The following SLC67A2 variants were observed in gnomAD, a reference collection of about 807,000 sequenced individuals.
SLC67A2 encodes the protein solute carrier family 67 member 2, also known as solute carrier family 67 member A2.
At chr2:102,725,371 T>C in the SLC67A2 span, among the ~76,000 whole-genome samples, 1 of 152,226 alleles carries the variant, frequency 6.6e-6, no homozygotes, top group Admixed American at 6.5e-5. Context: ...AAGAGAACTC[T>C]CACTACTTAA....
chr2:102,730,607 A>T, the SLC67A2 span, among the ~76,000 whole-genome samples: 4,623 of 149,294 alleles, frequency 0.031, 203 homozygotes, highest in African/African-American at 0.11. Context: ...CAGTGGTGCG[A>T]TCTCGGCTCA....
chr2:102,726,629 C>T, the SLC67A2 span, among the ~76,000 whole-genome samples: 1 of 152,020 alleles, frequency 6.6e-6, no homozygotes, highest in Non-Finnish European at 1.5e-5. Flanking sequence ...CGCACGCACA[C>T]ACACACACAC....
chr2:102,730,667 C>T, the SLC67A2 span, among the ~76,000 whole-genome samples: 25 of 149,274 alleles, frequency 1.7e-4, no homozygotes, highest in Non-Finnish European at 3.0e-4. Flanking sequence ...CTCAGCCTCC[C>T]GAGTAGCTGG....
At chr2:102,728,625 T>C in the SLC67A2 span, among the ~76,000 whole-genome samples, 1 of 152,186 alleles carries the variant, frequency 6.6e-6, no homozygotes, top group East Asian at 1.9e-4. Context: ...CATACTCTTT[T>C]GATCTGGGGA....
At chr2:102,727,707 A>G in the SLC67A2 span, among the ~76,000 whole-genome samples, 1 of 152,298 alleles carries the variant, frequency 6.6e-6, no homozygotes, top group Admixed American at 6.5e-5. Context: ...AATTCTATGC[A>G]GGCATTTTTT....
chr2:102,736,791 C>A, the SLC67A2 span: 1 of 1,612,610 alleles, frequency 6.2e-7, no homozygotes, highest in Non-Finnish European at 8.5e-7. Flanking sequence ...GTTCATGTCC[C>A]AGTGACCCCC....
At chr2:102,733,014 A>T in the SLC67A2 span, among the ~76,000 whole-genome samples, 2 of 152,222 alleles carry the variant, frequency 1.3e-5, no homozygotes, top group African/African-American at 4.8e-5. Flanking sequence ...CCGTGCTGTC[A>T]TCTGCAAAGG....
chr2:102,718,934 C>T, the SLC67A2 span: 1 of 1,614,152 alleles, frequency 6.2e-7, no homozygotes, highest in Non-Finnish European at 8.5e-7. Flanking sequence ...GACAAAGTTA[C>T]TGTAGTACAG....
the SLC67A2 span, among the ~76,000 whole-genome samples, chr2:102,735,146 A>G: frequency 6.6e-6 from 1 of 152,216 alleles, no homozygotes; most frequent in Non-Finnish European, 1.5e-5. Context: ...AAGCATCCCC[A>G]TGCTGAGAAT....
the SLC67A2 span, chr2:102,718,570 G>C: frequency 6.2e-7 from 1 of 1,613,172 alleles, no homozygotes. Flanking sequence ...GGAGAGGGGC[G>C]ATGATGCGGC....
At chr2:102,732,406 A>T in the SLC67A2 span, 2 of 1,608,534 alleles carry the variant, frequency 1.2e-6, no homozygotes. Flanking sequence ...ACACCAAACA[A>T]ATCCTAAAAC....
the SLC67A2 span, among the ~76,000 whole-genome samples, chr2:102,721,241 C>T: frequency 6.6e-6 from 1 of 152,200 alleles, no homozygotes; most frequent in South Asian, 2.1e-4. Flanking sequence ...AGTGATACCA[C>T]ATTCATGTAC....
chr2:102,736,886 A>T, the SLC67A2 span: 1 of 1,481,234 alleles, frequency 6.8e-7, no homozygotes, highest in Middle Eastern at 2.5e-4. Flanking sequence ...CCCGAGCGGA[A>T]GCAGGAGGCG....
At chr2:102,715,229 C>T in the SLC67A2 span, among the ~76,000 whole-genome samples, 4 of 152,170 alleles carry the variant, frequency 2.6e-5, no homozygotes, top group African/African-American at 9.7e-5. Flanking sequence ...AGCACTTTAC[C>T]GCAGGAATTC....
At chr2:102,718,334 C>A in the SLC67A2 span, 5 of 1,508,206 alleles carry the variant, frequency 3.3e-6, no homozygotes, top group Non-Finnish European at 4.5e-6. Context: ...TCCACCCCAA[C>A]CCTTTCCAAA....
chr2:102,732,125 T>A, the SLC67A2 span: 1 of 688,002 alleles, frequency 1.5e-6, no homozygotes, highest in South Asian at 1.5e-5. Flanking sequence ...AAAATCTCTT[T>A]GAACATACGT....
At chr2:102,734,284 G>A in the SLC67A2 span, among the ~76,000 whole-genome samples, 1 of 152,110 alleles carries the variant, frequency 6.6e-6, no homozygotes, top group Non-Finnish European at 1.5e-5. Context: ...CTGATGGGAT[G>A]GAAAACAAAT....
the SLC67A2 span, chr2:102,726,979 G>T: frequency 6.2e-7 from 1 of 1,611,668 alleles, no homozygotes; most frequent in Non-Finnish European, 8.5e-7. Flanking sequence ...GCAGCCCTGA[G>T]GAAAGTAAGA....
At chr2:102,717,223 C>G in the SLC67A2 span, 1 of 151,754 alleles carries the variant, frequency 6.6e-6, no homozygotes, top group African/African-American at 2.4e-5. Context: ...TTAGTAGAGA[C>G]GGGGTTTCAC....
Sources: gnomAD v4.1 joint callset for allele counts (sites outside exome capture counted in the v4.1 genomes callset) on GRCh38, gnomAD v4.1.1 for gene constraint, MANE v1.5 for transcripts, NCBI Gene and HGNC (gene_info 2026-07-23, HGNC 2026-07-21) for gene names.